The following HERC3 variants were observed in gnomAD, a reference collection of about 807,000 sequenced individuals.
HERC3 encodes probable E3 ubiquitin-protein ligase HERC3.
In HERC3, 58 loss-of-function variants were observed where a neutral mutation model predicts 129.9. That is an observed-to-expected ratio of 0.45 (90% CI 0.36 to 0.56). The LOEUF (loss-of-function observed/expected upper bound fraction) is 0.56. Among genes scored for constraint, HERC3 ranks in the 20% least tolerant of loss-of-function variants. HERC3 has a pLI of 0.00. For synonymous variants in HERC3, 430 were observed against 451.0 expected (o/e 0.95, Z 0.59); for missense variants, 835 against 1,244.2 (o/e 0.67, Z 4.95).
intron 3 of HERC3, among the ~76,000 whole-genome samples, chr4:88,627,307 A>G (rs558685429): frequency 9.2e-5 from 14 of 152,242 alleles, no homozygotes; most frequent in African/African-American, 3.4e-4. Context: ...GCAACCACAG[A>G]TTGAAAATAT....
intron 18 of HERC3, among the ~76,000 whole-genome samples, 164 bp downstream of exon 18, chr4:88,676,587 A>T (rs1261814854): frequency 1.3e-5 from 2 of 152,244 alleles, no homozygotes; most frequent in Non-Finnish European, 2.9e-5. Flanking sequence ...AATATAACAC[A>T]CATAGGTGAA....
At chr4:88,597,111 G>A (rs1216163724) in intron 2 of HERC3, among the ~76,000 whole-genome samples, 1 of 151,970 alleles carries the variant, frequency 6.6e-6, no homozygotes, top group African/African-American at 2.4e-5. Context: ...AAATAATGCT[G>A]GAATGAACAT....
intron 16 of HERC3, among the ~76,000 whole-genome samples, chr4:88,675,379 T>A (rs1213808616): frequency 6.6e-6 from 1 of 152,228 alleles, no homozygotes; most frequent in African/African-American, 2.4e-5. Context: ...TGTAACTTAA[T>A]GTGTTTTACT....
At chr4:88,571,226 G>A in the HERC3 span, among the ~76,000 whole-genome samples, 47 of 152,258 alleles carry the variant, frequency 3.1e-4, no homozygotes, top group African/African-American at 1.1e-3. Flanking sequence ...ATGTGCCAAG[G>A]CACCTGGCTC....
At chr4:88,555,436 T>A in the HERC3 span, among the ~76,000 whole-genome samples, 1 of 152,148 alleles carries the variant, frequency 6.6e-6, no homozygotes, top group Non-Finnish European at 1.5e-5. Flanking sequence ...TTTGGGGTAG[T>A]TTGAGATATC....
At chr4:88,632,761 G>A (rs927776143) in intron 3 of HERC3, among the ~76,000 whole-genome samples, 1 of 152,162 alleles carries the variant, frequency 6.6e-6, no homozygotes, top group Non-Finnish European at 1.5e-5. Context: ...AGAGTTTCAG[G>A]GACCTGTGGA....
At chr4:88,532,370 C>A in the HERC3 span, among the ~76,000 whole-genome samples, 1 of 151,912 alleles carries the variant, frequency 6.6e-6, no homozygotes. Context: ...AGGTCCAGAT[C>A]AGAGCTCAAA....
At chr4:88,661,402 G>A (rs867774007) in intron 10 of HERC3, among the ~76,000 whole-genome samples, 2 of 152,094 alleles carry the variant, frequency 1.3e-5, no homozygotes, top group African/African-American at 2.4e-5. Flanking sequence ...ATAATGATAC[G>A]TTAACTTGAA....
intron 3 of HERC3, among the ~76,000 whole-genome samples, chr4:88,638,395 C>T (rs965873829): frequency 3.9e-5 from 6 of 152,156 alleles, no homozygotes; most frequent in Non-Finnish European, 5.9e-5. Context: ...TTATTTACCA[C>T]GATCAAGTCA....
intron 2 of HERC3, among the ~76,000 whole-genome samples, chr4:88,599,262 G>A (rs571435292): frequency 7.2e-5 from 11 of 152,094 alleles, no homozygotes; most frequent in Non-Finnish European, 1.6e-4. Flanking sequence ...GATGATTTTA[G>A]TTGCTTTTTT....
intron 3 of HERC3, among the ~76,000 whole-genome samples, chr4:88,640,370 T>C (rs1727944907): frequency 6.6e-6 from 1 of 152,186 alleles, no homozygotes; most frequent in East Asian, 1.9e-4. Flanking sequence ...GTGATACATA[T>C]ACACCATGGA....
At chr4:88,542,487 CA>C in the HERC3 span, among the ~76,000 whole-genome samples, 1 of 152,164 alleles carries the variant, frequency 6.6e-6, no homozygotes, top group African/African-American at 2.4e-5. Flanking sequence ...GATGGATTCA[CA>C]GCCGAATTGT....
chr4:88,631,212 T>C (rs10019383), intron 3 of HERC3, among the ~76,000 whole-genome samples: 7,458 of 152,182 alleles, frequency 0.049, 238 homozygotes, highest in Middle Eastern at 0.12. Context: ...CCCAGCACTT[T>C]GGGAGGCTGA....
At position 88,707,004 on chromosome 4, in the gene HERC3, C is replaced by T. The variant is rs1735842726; in HGVS notation, c.*44C>T. ...GTATTTCCCTTCGTTCCTCAGTGTC[C>T]ACATTGAGGCCTATACAGAAAATCA... On this transcript the variant is annotated 3_prime_UTR_variant, in exon 26 of 26. Coordinates refer to ENST00000402738, the MANE Select transcript of HERC3 (RefSeq NM_014606.3). 1 of 1,409,348 alleles carries T rather than the reference C, an allele frequency of 7.1e-7. No homozygotes were observed. Among genetic ancestry groups the T allele is most frequent in the African/African-American group, 1.4e-5 (1 of 70,914 alleles). 87.3% of individuals were successfully genotyped at this position (1,409,348 alleles called of 1,614,324 possible).
At chr4:88,570,594 A>G in the HERC3 span, among the ~76,000 whole-genome samples, 7 of 152,136 alleles carry the variant, frequency 4.6e-5, no homozygotes, top group African/African-American at 1.4e-4. Flanking sequence ...GTGGGTACAC[A>G]GTAGTGATTA....
At chr4:88,540,239 A>C in the HERC3 span, among the ~76,000 whole-genome samples, 1 of 152,232 alleles carries the variant, frequency 6.6e-6, no homozygotes, top group Admixed American at 6.5e-5. Flanking sequence ...TGTAGTGTAG[A>C]GAAGACCTTA....
rs563928952 is a variant in HERC3, at chr4:88,643,995, A to G, written c.227-5845A>G. Among the ~76,000 whole-genome samples, 9 of 152,356 alleles carry G rather than the reference A, an allele frequency of 5.9e-5. No homozygotes were observed. The South Asian group carries it at 1.2e-3, about 21-fold the overall frequency. ...AAGAACTTCGAACAGACATTTATCCAAAGAGGATGGATGGCAAATAAGCAC... is the reference window on the plus strand; with the variant it reads ...AAGAACTTCGAACAGACATTTATCCGAAGAGGATGGATGGCAAATAAGCAC... On this transcript the variant is annotated intron_variant, in intron 3 of 25. Transcript: ENST00000402738.
the HERC3 span, chr4:88,527,416 C>T: frequency 1.2e-5 from 2 of 161,482 alleles, no homozygotes; most frequent in East Asian, 3.8e-4. Context: ...CACCACCACA[C>T]CTGGCTAATT....
intron 25 of HERC3, 96 bp downstream of exon 25, chr4:88,704,706 A>G (rs1735622553): frequency 2.6e-6 from 2 of 757,150 alleles, no homozygotes; most frequent in Non-Finnish European, 4.6e-6. Context: ...TAACTCATTT[A>G]AATGGTAAAG....
Sources: allele counts gnomAD v4.1 joint callset (sites outside exome capture counted in the v4.1 genomes callset), GRCh38; gene constraint gnomAD v4.1.1; transcripts MANE v1.5; gene names NCBI Gene and HGNC (gene_info 2026-07-23, HGNC 2026-07-21).